Variants in PCCA observed in about 807,000 individuals in gnomAD.
The protein encoded by PCCA is propionyl-CoA carboxylase subunit alpha.
Under a neutral mutation model 101.3 loss-of-function variants are expected in PCCA, and 74 were observed. The ratio of observed to expected loss-of-function variants is 0.73; its 90% CI spans 0.61 to 0.89. PCCA has a LOEUF of 0.89. PCCA is among the 40% of genes least tolerant of loss of function. The probability of loss-of-function intolerance (pLI) is 0.00; values close to 1 mark genes in which losing one functional copy is unlikely to be tolerated. For missense variants in PCCA, 891 were observed against 907.0 expected, an observed-to-expected ratio of 0.98 and a Z score of 0.23; for synonymous variants, 294 against 313.6, an observed-to-expected ratio of 0.94 and a Z score of 0.66.
intron 4 of PCCA, among the ~76,000 whole-genome samples, chr13:100,138,969 A>G (rs72658505): frequency 0.15 from 21,909 of 149,812 alleles, 1,792 homozygotes; most frequent in Non-Finnish European, 0.19. Flanking sequence ...AAAGAAAGAA[A>G]ATGTCTTTAT....
chr13:100,387,039 A>G (rs1046807256), intron 19 of PCCA, among the ~76,000 whole-genome samples: 11 of 152,182 alleles, frequency 7.2e-5, no homozygotes, highest in Non-Finnish European at 1.2e-4. Context: ...TGACTTGGCC[A>G]TCCGGGGAAG....
intron 19 of PCCA, among the ~76,000 whole-genome samples, chr13:100,380,418 C>A (rs1419315679): frequency 6.6e-6 from 1 of 152,144 alleles, no homozygotes; most frequent in African/African-American, 2.4e-5. Flanking sequence ...ATCATATTTC[C>A]ATCTTTCAGA....
At chr13:100,334,707 G>C (rs752273561) in intron 17 of PCCA, among the ~76,000 whole-genome samples, 1 of 152,152 alleles carries the variant, frequency 6.6e-6, no homozygotes, top group African/African-American at 2.4e-5. Context: ...GGAATAAATG[G>C]AAGTATCTCA....
At chr13:100,234,528 C>A (rs745591555) in intron 7 of PCCA, among the ~76,000 whole-genome samples, 8 of 150,948 alleles carry the variant, frequency 5.3e-5, no homozygotes, top group Non-Finnish European at 1.2e-4. Context: ...CCCCTTTGAA[C>A]TTAACAAGCA....
At chr13:100,185,299 GCTTT>G (rs933367725) in intron 6 of PCCA, among the ~76,000 whole-genome samples, 6 of 151,884 alleles carry the variant, frequency 4.0e-5, no homozygotes, top group African/African-American at 1.2e-4. Flanking sequence ...AAAAAAATTT[GCTTT>G]CTGTCTTTGT....
chr13:100,472,265 C>T (rs1019824382), intron 21 of PCCA, among the ~76,000 whole-genome samples: 1 of 152,030 alleles, frequency 6.6e-6, no homozygotes. Context: ...GGGCAAGGTC[C>T]CTGGGCACGA....
chr13:100,152,999 A>C (rs2053526081), intron 4 of PCCA, among the ~76,000 whole-genome samples: 1 of 152,130 alleles, frequency 6.6e-6, no homozygotes, highest in Admixed American at 6.5e-5. Context: ...TCCTTGATAA[A>C]CCACCAATTG....
chr13:100,362,414 A>G (rs1371285869), intron 18 of PCCA, among the ~76,000 whole-genome samples: 1 of 152,212 alleles, frequency 6.6e-6, no homozygotes, highest in Non-Finnish European at 1.5e-5. Flanking sequence ...TAAGCATTTT[A>G]CACCTTTTAT....
intron 16 of PCCA, among the ~76,000 whole-genome samples, chr13:100,317,972 G>A (rs1387581678): frequency 6.6e-6 from 1 of 152,126 alleles, no homozygotes; most frequent in Non-Finnish European, 1.5e-5. Flanking sequence ...TGTATTGTCA[G>A]TGTCCTAGCT....
chr13:100,460,425 G>T (rs2082093579), intron 21 of PCCA, among the ~76,000 whole-genome samples: 1 of 152,148 alleles, frequency 6.6e-6, no homozygotes, highest in Non-Finnish European at 1.5e-5. Context: ...TTGTATGAAA[G>T]AGAAAATAAG....
intron 21 of PCCA, among the ~76,000 whole-genome samples, chr13:100,488,839 C>T (rs2084643406): frequency 6.6e-6 from 1 of 151,918 alleles, no homozygotes; most frequent in South Asian, 2.1e-4. Context: ...CTATAGTAAA[C>T]TTTTCCCAGT....
chr13:100,501,471 G>A (rs977415172), intron 21 of PCCA, among the ~76,000 whole-genome samples: 2 of 152,158 alleles, frequency 1.3e-5, no homozygotes, highest in African/African-American at 4.8e-5. Context: ...TCATGGACAT[G>A]AGCTAAATTC....
intron 12 of PCCA, among the ~76,000 whole-genome samples, chr13:100,300,763 G>A (rs1317473300): frequency 6.6e-6 from 1 of 152,196 alleles, no homozygotes; most frequent in Non-Finnish European, 1.5e-5. Context: ...ACATGTTTTT[G>A]TACATACATA....
At chr13:100,230,842 G>A (rs1281841211) in intron 7 of PCCA, among the ~76,000 whole-genome samples, 1 of 152,176 alleles carries the variant, frequency 6.6e-6, no homozygotes, top group Non-Finnish European at 1.5e-5. Context: ...GGCTAGGGAG[G>A]TGCAGAGGGT....
chr13:100,234,430 A>G (rs17254227), intron 7 of PCCA, among the ~76,000 whole-genome samples: 2,989 of 152,092 alleles, frequency 0.02, 123 homozygotes, highest in East Asian at 0.12. Flanking sequence ...CTTGAAAACA[A>G]TTGTTATTTG....
intron 4 of PCCA, among the ~76,000 whole-genome samples, chr13:100,146,230 C>T (rs1167094586): frequency 2.6e-5 from 4 of 151,536 alleles, no homozygotes; most frequent in East Asian, 4.0e-4. Context: ...CGTGAGCCAC[C>T]GCACCGGCCA....
intron 6 of PCCA, among the ~76,000 whole-genome samples, chr13:100,203,564 G>T (rs2058670057): frequency 6.6e-6 from 1 of 151,482 alleles, no homozygotes; most frequent in South Asian, 2.1e-4. Context: ...CATGGTGGGG[G>T]GTGCCTGTAG....
intron 19 of PCCA, among the ~76,000 whole-genome samples, chr13:100,392,910 A>AAG (rs140209706): frequency 0.029 from 4,464 of 152,168 alleles, 197 homozygotes; most frequent in African/African-American, 0.099. Context: ...TCACCCAGGG[A>AAG]AGTGACTCAC....
intron 16 of PCCA, among the ~76,000 whole-genome samples, chr13:100,319,161 C>T (rs868735456): frequency 1.4e-3 from 211 of 151,384 alleles, no homozygotes; most frequent in African/African-American, 4.4e-3. Context: ...TCATGTCCTT[C>T]GCCCACTTTT....
Sources: gnomAD v4.1 joint callset for allele counts (sites outside exome capture counted in the v4.1 genomes callset) on GRCh38, gnomAD v4.1.1 for gene constraint, MANE v1.5 for transcripts, NCBI Gene and HGNC (gene_info 2026-07-23, HGNC 2026-07-21) for gene names.